The following ZCCHC17 variants were observed in gnomAD, a reference collection of about 807,000 sequenced individuals.
The protein encoded by ZCCHC17 is zinc finger CCHC domain-containing protein 17.
A neutral mutation model predicts 30.6 loss-of-function variants in ZCCHC17; 18 were observed. The ratio of observed to expected loss-of-function variants is 0.59; its 90% CI spans 0.41 to 0.87. The LOEUF is 0.87. ZCCHC17 is among the 40% of genes least tolerant of loss of function. The pLI is 0.00. For missense variants in ZCCHC17, 263 were observed against 284.2 expected, an observed-to-expected ratio of 0.93 and a Z score of 0.54; for synonymous variants, 88 against 92.4, an observed-to-expected ratio of 0.95 and a Z score of 0.27.
At position 31,358,985 on chromosome 1, in the gene ZCCHC17, T is replaced by A. The variant is rs572734686; in HGVS notation, c.565-5047T>A. On this transcript the variant is annotated intron_variant, in intron 7 of 7. Coordinates refer to ENST00000344147, the MANE Select transcript of ZCCHC17 (RefSeq NM_016505.4). Reference sequence around the variant, plus strand: ...CAGGAAAGGAACAGCCAAGGAAGTTTGTAGAAAAGTAAGAGAATGTAAAAT... The same window carrying A: ...CAGGAAAGGAACAGCCAAGGAAGTTAGTAGAAAAGTAAGAGAATGTAAAAT... Among the ~76,000 whole-genome samples, 30 of 152,184 alleles carry A rather than the reference T, an allele frequency of 2.0e-4. 1 individual carries two copies. The South Asian group carries it at 6.2e-3, about 32-fold the overall frequency.
intron 5 of ZCCHC17, among the ~76,000 whole-genome samples, chr1:31,344,757 A>G (rs1334558125): frequency 6.6e-6 from 1 of 152,232 alleles, no homozygotes. Context: ...ACTCACAGCC[A>G]CTTGAAACTC....
intron 3 of ZCCHC17, among the ~76,000 whole-genome samples, chr1:31,321,461 A>G (rs1286765988): frequency 6.6e-6 from 1 of 152,186 alleles, no homozygotes; most frequent in African/African-American, 2.4e-5. Context: ...GCAGTGTAAG[A>G]ACAGACTAAT....
intron 4 of ZCCHC17, among the ~76,000 whole-genome samples, chr1:31,337,530 A>G (rs1638869012): frequency 6.6e-6 from 1 of 152,242 alleles, no homozygotes; most frequent in African/African-American, 2.4e-5. Context: ...AAGTTTACCC[A>G]TAGGGTGGGC....
At chr1:31,303,436 T>G (rs551783812) in intron 1 of ZCCHC17, among the ~76,000 whole-genome samples, 13 of 152,304 alleles carry the variant, frequency 8.5e-5, no homozygotes, top group African/African-American at 2.9e-4. Flanking sequence ...TCTAGTCAAT[T>G]AGTACTCAAG....
At chr1:31,306,922 C>T (rs570491459) in intron 1 of ZCCHC17, among the ~76,000 whole-genome samples, 3 of 152,142 alleles carry the variant, frequency 2.0e-5, no homozygotes, top group South Asian at 4.2e-4. Context: ...ACTGCAGTCT[C>T]CGCCTCCCGG....
At chr1:31,329,858 G>A (rs1177913291) in intron 3 of ZCCHC17, among the ~76,000 whole-genome samples, 5 of 152,154 alleles carry the variant, frequency 3.3e-5, no homozygotes, top group Non-Finnish European at 7.4e-5. Flanking sequence ...ATATTTTAGG[G>A]TCTTGAGTTT....
intron 3 of ZCCHC17, among the ~76,000 whole-genome samples, chr1:31,321,064 GTA>G (rs1646848850): frequency 6.6e-6 from 1 of 152,044 alleles, no homozygotes; most frequent in Non-Finnish European, 1.5e-5. Context: ...TTGGCCATTT[GTA>G]TATCTTTTTT....
intron 1 of ZCCHC17, among the ~76,000 whole-genome samples, chr1:31,309,062 T>C (rs2148413186): frequency 6.6e-6 from 1 of 152,336 alleles, no homozygotes; most frequent in African/African-American, 2.4e-5. Context: ...TCTGAATTTT[T>C]TTATTATCTG....
chr1:31,305,910 C>T (rs774335178), intron 1 of ZCCHC17, among the ~76,000 whole-genome samples: 6 of 152,126 alleles, frequency 3.9e-5, no homozygotes, highest in Non-Finnish European at 8.8e-5. Context: ...GTCATACCCC[C>T]TTGTTCATGG....
intron 3 of ZCCHC17, among the ~76,000 whole-genome samples, chr1:31,327,358 A>AC (rs1418885930): frequency 6.6e-6 from 1 of 152,230 alleles, no homozygotes; most frequent in Non-Finnish European, 1.5e-5. Context: ...TTCCATGACC[A>AC]CCTACTTAGG....
At chr1:31,346,564 A>G in intron 5 of ZCCHC17, 76 bp from the exon 6 acceptor site, 1 of 1,469,110 alleles carries the variant, frequency 6.8e-7, no homozygotes, top group Non-Finnish European at 9.0e-7. Flanking sequence ...CAAAAAACCA[A>G]CATACAACCT....
At chr1:31,343,347 A>G (rs1305097016) in intron 5 of ZCCHC17, among the ~76,000 whole-genome samples, 1 of 152,208 alleles carries the variant, frequency 6.6e-6, no homozygotes, top group Non-Finnish European at 1.5e-5. Context: ...GGCGTGAGCC[A>G]TCACACCCAG....
At chr1:31,317,641 T>A (rs944057616) in intron 2 of ZCCHC17, among the ~76,000 whole-genome samples, 7 of 141,516 alleles carry the variant, frequency 4.9e-5, no homozygotes, top group African/African-American at 1.0e-4. Context: ...TTTTTTTTTT[T>A]AAAGCTTTTT....
At chr1:31,313,843 T>C (rs1387902534) in intron 2 of ZCCHC17, among the ~76,000 whole-genome samples, 2 of 151,708 alleles carry the variant, frequency 1.3e-5, no homozygotes, top group African/African-American at 4.9e-5. Flanking sequence ...GCTCGCTCTT[T>C]TCTTTTCTCT....
chr1:31,306,724 T>C (rs1646468227), intron 1 of ZCCHC17, among the ~76,000 whole-genome samples: 1 of 152,130 alleles, frequency 6.6e-6, no homozygotes, highest in African/African-American at 2.4e-5. Flanking sequence ...CTGGATTGCA[T>C]TGGCATGATC....
chr1:31,358,817 A>G (rs1354296328), intron 7 of ZCCHC17, among the ~76,000 whole-genome samples: 3 of 152,166 alleles, frequency 2.0e-5, no homozygotes, highest in Non-Finnish European at 4.4e-5. Flanking sequence ...CCCAGGTAAG[A>G]TATATAAATT....
chr1:31,353,302 C>T (rs552391703), intron 7 of ZCCHC17, among the ~76,000 whole-genome samples: 1 of 152,164 alleles, frequency 6.6e-6, no homozygotes, highest in Non-Finnish European at 1.5e-5. Context: ...TTTGCAAATA[C>T]TTTCTTCTAA....
chr1:31,333,777 G>A (rs1013099269), intron 3 of ZCCHC17, among the ~76,000 whole-genome samples: 2 of 152,186 alleles, frequency 1.3e-5, no homozygotes, highest in Non-Finnish European at 2.9e-5. Context: ...AGAAGGACAA[G>A]TTTTGATGCC....
chr1:31,343,580 T>A (rs999883470), intron 5 of ZCCHC17, among the ~76,000 whole-genome samples: 7 of 152,170 alleles, frequency 4.6e-5, no homozygotes, highest in Non-Finnish European at 8.8e-5. Flanking sequence ...AATAAGTGAC[T>A]CTGTAAATGG....
Sources: allele counts gnomAD v4.1 joint callset (sites outside exome capture counted in the v4.1 genomes callset), GRCh38; gene constraint gnomAD v4.1.1; transcripts MANE v1.5; gene names NCBI Gene and HGNC (gene_info 2026-07-23, HGNC 2026-07-21).